Variants in GRPEL1 observed in about 807,000 individuals in gnomAD.
The protein encoded by GRPEL1 is GrpE like 1, mitochondrial.
In GRPEL1, 13 loss-of-function variants were observed where a neutral mutation model predicts 22.1. The observed-to-expected ratio is 0.59, with a 90% CI of 0.38 to 0.94. The LOEUF (loss-of-function observed/expected upper bound fraction) is 0.94, where lower values mean the gene tolerates loss of function less well. Ranked by LOEUF, GRPEL1 falls within the 40% of genes least tolerant of loss-of-function variation. GRPEL1 has a pLI of 0.00. For missense variants in GRPEL1, 289 were observed against 264.6 expected, an observed-to-expected ratio of 1.09 and a Z score of -0.64; for synonymous variants, 109 against 105.3, an observed-to-expected ratio of 1.03 and a Z score of -0.21.
chr4:7,066,243 G>A lies in GRPEL1; in HGVS notation c.62+1728C>T, dbSNP rs116446436. 3.1e-3 allele frequency among the ~76,000 whole-genome samples: 470 copies of A among 152,348 alleles called. 6 individuals carry two copies. Among genetic ancestry groups the A allele is most frequent in the African/African-American group, 0.011 (460 of 41,576 alleles). ...CAGCACACAGAACTCAGTCAAGGCT[G>A]TTTATTGCAGCACTGCGAGCGACAA... On this transcript the variant is annotated intron_variant, in intron 1 of 3. Transcript: ENST00000264954.
Position 7,059,573 on chromosome 4 carries a change from A to T in GRPEL1, c.*1289T>A, listed in dbSNP as rs1723987014. The stretch of plus-strand genomic sequence containing the variant: ...AAGGTGGAACATGTTTGGGAATGGT[A>T]TCCCAAGATGAAGTATTATGGGACC... On this transcript the variant is annotated 3_prime_UTR_variant, in exon 4 of 4. Coordinates refer to ENST00000264954, the MANE Select transcript of GRPEL1 (RefSeq NM_025196.4). The T allele has an allele frequency of 6.6e-6, 1 of 152,250 alleles. No individual in the cohort carries two copies. The highest frequency in any genetic ancestry group is 6.5e-5 in the Admixed American group (1 of 15,288). 9.4% of individuals were successfully genotyped at this position (152,250 alleles called of 1,614,324 possible).
intron 1 of GRPEL1, among the ~76,000 whole-genome samples, chr4:7,065,977 C>A (rs1281216126): frequency 6.6e-6 from 1 of 151,846 alleles, no homozygotes; most frequent in Non-Finnish European, 1.5e-5. Flanking sequence ...CCTCAGCCTG[C>A]CGAGTAGCTG....
In GRPEL1 at chr4:7,059,702, G is replaced by A. The variant is rs941670450; in HGVS notation, c.*1160C>T. The A allele has an allele frequency of 1.3e-5, 2 of 152,220 alleles. No individual in the cohort carries two copies. The highest frequency in any genetic ancestry group is 1.3e-4 in the Admixed American group (2 of 15,282). The allele number at this position is 152,220 out of a possible 1,614,324, so 9.4% of individuals were successfully genotyped here. On this transcript the variant is annotated 3_prime_UTR_variant, in exon 4 of 4. Transcript: ENST00000264954. ...CTTCCATTCTAGAAGCAAAGGCAGCGAAAGGTTCTTTTCTCTTTTTTGTAA... is the reference window on the plus strand; with the variant it reads ...CTTCCATTCTAGAAGCAAAGGCAGCAAAAGGTTCTTTTCTCTTTTTTGTAA...
intron 1 of GRPEL1, among the ~76,000 whole-genome samples, chr4:7,066,223 C>T (rs141505869): frequency 4.9e-4 from 75 of 152,328 alleles, no homozygotes; most frequent in African/African-American, 1.7e-3. Flanking sequence ...GCTGCCAGCA[C>T]ACAGAACTCA....
Position 7,061,099 on chromosome 4 carries a change from G to T in GRPEL1, c.417C>A (p.Asn139Lys), listed in dbSNP as rs1278586255. Residue 139 changes from asparagine (N) to lysine (K), a missense_variant, in exon 4 of 4, where the codon AAC (asparagine) becomes AAA (lysine). Asn to Lys is a moderately conservative substitution (Grantham distance 94). Coordinates refer to ENST00000264954, the MANE Select transcript of GRPEL1 (RefSeq NM_025196.4). ...CAGTCATGACCAGCCCCTCATAGAG[G>T]TTCTTCAGGTGAGGGTTATCGTCTT... The part of the protein sequence containing the change: ...EIKDDNPHLK[N>K]LYEGLVMTEV... 1.2e-6 allele frequency: 2 copies of T among 1,614,108 alleles called. No homozygotes were observed. Among genetic ancestry groups the T allele is most frequent in the Admixed American group, 1.7e-5 (1 of 60,008 alleles).
rs1577220805 is a variant in GRPEL1 at position 7,061,105 on chromosome 4, C to T, written c.411G>A (p.Leu137=). The change falls in exon 4 of 4, where the codon CTG becomes CTA. Residue 137 remains leucine, a synonymous_variant. Coordinates refer to ENST00000264954, the MANE Select transcript of GRPEL1 (RefSeq NM_025196.4). ...TGACCAGCCCCTCATAGAGGTTCTT[C>T]AGGTGAGGGTTATCGTCTTTAATTT... ...KEEIKDDNPH[L]KNLYEGLVMT... 6.2e-7 allele frequency: 1 copy of T among 1,614,206 alleles called. No homozygotes were observed. Among genetic ancestry groups the T allele is most frequent in the East Asian group, 2.2e-5 (1 of 44,882 alleles).
chr4:7,067,689 G>A (rs1724204968), intron 1 of GRPEL1: 1 of 505,608 alleles, frequency 2.0e-6, no homozygotes. Context: ...ACACGCGCAC[G>A]TGGGCCACCG....
rs183550791 is a variant in GRPEL1, at chr4:7,065,470, C to T, written c.63-1247G>A. Among the ~76,000 whole-genome samples the T allele has an allele frequency of 2.2e-4, 33 of 150,506 alleles. 1 individual carries two copies. The highest frequency in any genetic ancestry group is 1.9e-3 in the Admixed American group (29 of 15,052). On this transcript the variant is annotated intron_variant, in intron 1 of 3. Transcript: ENST00000264954. ...CGCAGGTTGAGGTGAGCTGAGATCG[C>T]GCCACTGCACTCCAGCCTGGGCGAC...
intron 1 of GRPEL1, among the ~76,000 whole-genome samples, chr4:7,067,260 G>A (rs1315643734): frequency 2.7e-5 from 4 of 149,434 alleles, no homozygotes; most frequent in Admixed American, 6.6e-5. Context: ...GATTTGAGGG[G>A]AAAAAAAAAA....
rs1263916738 is a variant in GRPEL1 at position 7,061,063 on chromosome 4, G to A, written c.453C>T (p.Ile151=). Residue 151 remains isoleucine, a synonymous_variant, in exon 4 of 4, where the codon ATC becomes ATT. Transcript: ENST00000264954. ...AGCCATGCTTTGTGAACACCTTCTG[G>A]ATCTGGACTTCAGTCATGACCAGCC... ...YEGLVMTEVQ[I]QKVFTKHGLL... 1.2e-6 allele frequency: 2 copies of A among 1,614,068 alleles called. No homozygotes were observed. Among genetic ancestry groups the A allele is most frequent in the African/African-American group, 2.7e-5 (2 of 74,902 alleles).
At chr4:7,062,843 T>C (rs188257949) in intron 2 of GRPEL1, among the ~76,000 whole-genome samples, 26 of 152,194 alleles carry the variant, frequency 1.7e-4, no homozygotes, top group African/African-American at 1.2e-4. Context: ...AACAAAGTCA[T>C]AGGAAAGCGA....
chr4:7,066,016 G>A (rs528878805), intron 1 of GRPEL1, among the ~76,000 whole-genome samples: 21 of 152,208 alleles, frequency 1.4e-4, no homozygotes, highest in African/African-American at 5.1e-4. Context: ...AACACGCTCG[G>A]CTAATTTTTT....
Position 7,060,738 on chromosome 4 carries a change from TG to T in GRPEL1, c.*123del. ...GCAACCGGCTTTTCTGTTTAGCCAC[TG>T]GTTACTTAAGGTTTCCAATAAGGTT... On this transcript the variant is annotated 3_prime_UTR_variant, in exon 4 of 4. Transcript: ENST00000264954. The T allele has an allele frequency of 1.1e-6, 1 of 876,802 alleles. No individual in the cohort carries two copies. The highest frequency in any genetic ancestry group is 1.8e-6 in the Non-Finnish European group (1 of 559,134). 54.3% of individuals were successfully genotyped at this position (876,802 alleles called of 1,614,324 possible).
rs755646640 is a variant in GRPEL1 at position 7,061,010 on chromosome 4, T to G, written c.506A>C (p.Lys169Thr). ...GLLKLNPVGA[K>T]FDPYEHEALF... is the part of the protein sequence containing the mutation. The stretch of plus-strand genomic sequence containing the variant: ...GGCCTCATGTTCATAAGGGTCGAAC[T>G]TGGCTCCGACAGGGTTCAACTTGAG... Residue 169 changes from lysine (K) to threonine (T), a missense_variant, in exon 4 of 4, where the codon AAG (lysine) becomes ACG (threonine). Physicochemically the swap from Lys to Thr is moderately conservative, Grantham distance 78. Coordinates refer to ENST00000264954, the MANE Select transcript of GRPEL1 (RefSeq NM_025196.4). The G allele has an allele frequency of 6.2e-6, 10 of 1,614,216 alleles. No individual in the cohort carries two copies. The highest frequency in any genetic ancestry group is 8.5e-6 in the Non-Finnish European group (10 of 1,180,034).
rs573096337 is a variant in GRPEL1 at position 7,065,262 on chromosome 4, C to A, written c.63-1039G>T. Among the ~76,000 whole-genome samples, 6 of 152,326 alleles carry A rather than the reference C, an allele frequency of 3.9e-5. No individual in the cohort carries two copies. The East Asian group carries it at 9.6e-4, about 24-fold the overall frequency. On this transcript the variant is annotated intron_variant, in intron 1 of 3. Coordinates refer to ENST00000264954, the MANE Select transcript of GRPEL1 (RefSeq NM_025196.4). ...AGGTTCGCTGGCTCACGCCAGTAAT[C>A]CCAGCACTTAGGGAGGCCAAAGCAG...
rs745554709 is a variant in GRPEL1 at position 7,061,144 on chromosome 4, A to C, written c.372T>G (p.Cys124Trp). 5 of 1,614,078 alleles carry C rather than the reference A, an allele frequency of 3.1e-6. No individual in the cohort carries two copies. In the African/African-American group the frequency reaches 6.7e-5, roughly 22 times the overall value. ...VADVLEKATQ[C>W]VPKEEIKDDN... ...CGTCTTTAATTTCTTCTTTTGGAACACACTGTGTTGCCTTCTCCAGAACGT... is the reference window on the plus strand; with the variant it reads ...CGTCTTTAATTTCTTCTTTTGGAACCCACTGTGTTGCCTTCTCCAGAACGT... Residue 124 changes from cysteine (C) to tryptophan (W), a missense_variant, in exon 4 of 4, where the codon TGT becomes TGG. Transcript: ENST00000264954.
chr4:7,067,857 G>A lies in GRPEL1; in HGVS notation c.62+114C>T, dbSNP rs888152806. On this transcript the variant is annotated intron_variant, in intron 1 of 3. Coordinates refer to ENST00000264954, the MANE Select transcript of GRPEL1 (RefSeq NM_025196.4). Reference sequence around the variant, plus strand: ...CGCGGCGGGGAACCGCGAGCCCGGAGATGCCCAGCTCCGGGGCCGAGGCCG... The same window carrying A: ...CGCGGCGGGGAACCGCGAGCCCGGAAATGCCCAGCTCCGGGGCCGAGGCCG... The A allele has an allele frequency of 5.0e-5, 55 of 1,100,638 alleles. No homozygotes were observed. The Admixed American group carries it at 1.0e-3, about 21-fold the overall frequency. The allele number at this position is 1,100,638 out of a possible 1,614,324, so 68.2% of individuals were successfully genotyped here.
intron 1 of GRPEL1, among the ~76,000 whole-genome samples, chr4:7,066,483 G>A (rs1286649720): frequency 6.6e-6 from 1 of 152,208 alleles, no homozygotes; most frequent in African/African-American, 2.4e-5. Flanking sequence ...TAATATCTTA[G>A]ATCTGTGGAA....
rs1723994077 is a variant in GRPEL1 at position 7,059,796 on chromosome 4, A to G, written c.*1066T>C. ...TGTAAATGAGGAACAGCCCTTTGGCAAGATGATTTTGCAAATCCTGTGCCC... is the reference window on the plus strand; with the variant it reads ...TGTAAATGAGGAACAGCCCTTTGGCGAGATGATTTTGCAAATCCTGTGCCC... On this transcript the variant is annotated 3_prime_UTR_variant, in exon 4 of 4. Coordinates refer to ENST00000264954, the MANE Select transcript of GRPEL1 (RefSeq NM_025196.4). 6.6e-6 allele frequency: 1 copy of G among 152,236 alleles called. No individual in the cohort carries two copies. The highest frequency in any genetic ancestry group is 1.5e-5 in the Non-Finnish European group (1 of 68,050). The allele number at this position is 152,236 out of a possible 1,614,324, so 9.4% of individuals were successfully genotyped here.
Sources: allele counts gnomAD v4.1 joint callset (sites outside exome capture counted in the v4.1 genomes callset), GRCh38; gene constraint gnomAD v4.1.1; transcripts MANE v1.5; gene names NCBI Gene and HGNC (gene_info 2026-07-23, HGNC 2026-07-21).